The following AKAP7 variants were observed in gnomAD, a reference collection of about 807,000 sequenced individuals.
AKAP7 encodes the protein A-kinase anchoring protein 7.
In AKAP7, 39 loss-of-function variants were observed where a neutral mutation model predicts 39.5. That is an observed-to-expected ratio of 0.99 (90% confidence interval 0.76 to 1.29). The LOEUF (loss-of-function observed/expected upper bound fraction) is 1.29. Ranked by LOEUF, AKAP7 falls within the 50% of genes most tolerant of loss-of-function variation. The probability of loss-of-function intolerance (pLI) is 0.00; values close to 1 mark genes in which losing one functional copy is unlikely to be tolerated. For synonymous variants in AKAP7, 140 were observed against 139.1 expected, an observed-to-expected ratio of 1.01 and a Z score of -0.05; for missense variants, 414 against 407.7, an observed-to-expected ratio of 1.02 and a Z score of -0.13.
intron 5 of AKAP7, among the ~76,000 whole-genome samples, chr6:131,171,329 A>C (rs1170860391): frequency 6.6e-6 from 1 of 152,200 alleles, no homozygotes; most frequent in African/African-American, 2.4e-5. Flanking sequence ...CGGATTGAGG[A>C]AGATTTCATA....
At chr6:131,172,995 A>G (rs1353463657) in intron 5 of AKAP7, among the ~76,000 whole-genome samples, 3 of 152,018 alleles carry the variant, frequency 2.0e-5, no homozygotes, top group Non-Finnish European at 4.4e-5. Context: ...AGGAGTGGCC[A>G]GTACTGGAGA....
At chr6:131,194,903 C>CT (rs1273877549) in intron 5 of AKAP7, among the ~76,000 whole-genome samples, 2 of 152,086 alleles carry the variant, frequency 1.3e-5, no homozygotes, top group South Asian at 2.1e-4. Flanking sequence ...TTTTTCTATC[C>CT]TTTTTTTCCC....
intron 7 of AKAP7, among the ~76,000 whole-genome samples, chr6:131,261,998 C>T (rs1813389023): frequency 6.6e-6 from 1 of 152,138 alleles, no homozygotes; most frequent in African/African-American, 2.4e-5. Flanking sequence ...GAGACTCAGA[C>T]CTTTGAGGAG....
At chr6:131,178,492 G>A (rs1804787817) in intron 5 of AKAP7, among the ~76,000 whole-genome samples, 1 of 152,126 alleles carries the variant, frequency 6.6e-6, no homozygotes, top group Non-Finnish European at 1.5e-5. Context: ...TTTGACGTTA[G>A]CATCCTACAC....
intron 6 of AKAP7, among the ~76,000 whole-genome samples, chr6:131,206,449 C>T (rs1030554977): frequency 2.6e-5 from 4 of 152,022 alleles, no homozygotes; most frequent in Admixed American, 6.6e-5. Context: ...GAAGGGTGAT[C>T]ATTGGACCTG....
In AKAP7 at chr6:131,282,444, A is replaced by C. The variant is rs549023687; in HGVS notation, c.*718A>C. On this transcript the variant is annotated 3_prime_UTR_variant, in exon 8 of 8. Coordinates refer to ENST00000431975, the MANE Select transcript of AKAP7 (RefSeq NM_016377.4). ...CGAGACTTAATTAATGAAGCTTTGC[A>C]TCGAGAAACGATGGGTCTGAAGTCC... 2.0e-6 allele frequency: 3 copies of C among 1,530,642 alleles called. 1 individual carries two copies. The South Asian group carries it at 3.6e-5, about 18-fold the overall frequency. 94.8% of individuals were successfully genotyped at this position (1,530,642 alleles called of 1,614,324 possible).
intron 6 of AKAP7, among the ~76,000 whole-genome samples, chr6:131,217,466 G>T (rs1035343542): frequency 1.3e-5 from 2 of 152,056 alleles, no homozygotes; most frequent in African/African-American, 4.8e-5. Flanking sequence ...CAATGCAGAG[G>T]CTTAGCTATT....
intron 1 of AKAP7, among the ~76,000 whole-genome samples, chr6:131,141,531 A>G (rs1240461567): frequency 6.6e-6 from 1 of 152,224 alleles, no homozygotes; most frequent in East Asian, 1.9e-4. Context: ...TTGGTACTAA[A>G]GAGCAGGGTG....
intron 6 of AKAP7, among the ~76,000 whole-genome samples, chr6:131,208,134 T>A (rs1808305941): frequency 1.3e-5 from 2 of 152,206 alleles, no homozygotes; most frequent in Non-Finnish European, 2.9e-5. Context: ...CTAGATTACA[T>A]TAGTCAACAC....
chr6:131,198,254 T>C (rs1807154908), intron 5 of AKAP7, among the ~76,000 whole-genome samples: 1 of 152,202 alleles, frequency 6.6e-6, no homozygotes, highest in African/African-American at 2.4e-5. Context: ...TATTTTGATG[T>C]CCTATCTACT....
intron 4 of AKAP7, among the ~76,000 whole-genome samples, chr6:131,166,374 T>G (rs553031): frequency 0.2 from 30,664 of 152,030 alleles, 3,246 homozygotes; most frequent in Middle Eastern, 0.32. Context: ...TCTGTGTGTG[T>G]TAGAATGGTC....
chr6:131,179,168 GTT>G (rs145633324), intron 5 of AKAP7, among the ~76,000 whole-genome samples: 1 of 150,388 alleles, frequency 6.6e-6, no homozygotes, highest in Admixed American at 6.6e-5. Flanking sequence ...TGTCTATTCG[GTT>G]TTTTTTTTGT....
intron 7 of AKAP7, among the ~76,000 whole-genome samples, chr6:131,234,250 A>G (rs1810852076): frequency 6.6e-6 from 1 of 152,206 alleles, no homozygotes; most frequent in South Asian, 2.1e-4. Flanking sequence ...ACCAAGCATT[A>G]TGATGTGTAT....
At chr6:131,193,215 C>G (rs1806585908) in intron 5 of AKAP7, among the ~76,000 whole-genome samples, 1 of 151,998 alleles carries the variant, frequency 6.6e-6, no homozygotes, top group Non-Finnish European at 1.5e-5. Context: ...AGATGTGGAT[C>G]TATTGTATAT....
At chr6:131,224,110 T>C (rs919095145) in intron 7 of AKAP7, among the ~76,000 whole-genome samples, 41 of 152,334 alleles carry the variant, frequency 2.7e-4, no homozygotes, top group African/African-American at 7.9e-4. Context: ...ACAAATGCTT[T>C]CGTGGGTCAC....
chr6:131,207,491 A>ATGTTTTTTTTTTTTTTTTTT (rs1554211848), intron 6 of AKAP7, among the ~76,000 whole-genome samples: 1 of 78,806 alleles, frequency 1.3e-5, no homozygotes, highest in Non-Finnish European at 2.6e-5. Context: ...GCTAATTAAA[A>ATGTTTTTTTTTTTTTTTTTT]TTTTTTTTTT....
chr6:131,178,088 A>T (rs1190642008), intron 5 of AKAP7, among the ~76,000 whole-genome samples: 1 of 152,130 alleles, frequency 6.6e-6, no homozygotes, highest in African/African-American at 2.4e-5. Flanking sequence ...CTGTCATCTG[A>T]ATATTTCCTC....
At chr6:131,213,946 G>A (rs981601892) in intron 6 of AKAP7, among the ~76,000 whole-genome samples, 11 of 152,152 alleles carry the variant, frequency 7.2e-5, no homozygotes, top group South Asian at 2.1e-4. Flanking sequence ...TCTCTCTGTG[G>A]TTAACATGGC....
chr6:131,194,082 G>T (rs1806678374), intron 5 of AKAP7, among the ~76,000 whole-genome samples: 1 of 151,736 alleles, frequency 6.6e-6, no homozygotes. Flanking sequence ...CTAATTTTGG[G>T]TTGGGTTTGC....
Sources: allele counts gnomAD v4.1 joint callset (sites outside exome capture counted in the v4.1 genomes callset), GRCh38; gene constraint gnomAD v4.1.1; transcripts MANE v1.5; gene names NCBI Gene and HGNC (gene_info 2026-07-23, HGNC 2026-07-21).